Variants in EFEMP2 observed in about 807,000 individuals in gnomAD.
EFEMP2 encodes the protein EGF-like fibulin extracellular matrix protein 2.
In EFEMP2, 21 loss-of-function variants were observed where a neutral mutation model predicts 55.3. That is an observed-to-expected ratio of 0.38 (90% CI 0.27 to 0.55). EFEMP2 has a LOEUF of 0.55. EFEMP2 is among the 20% of genes least tolerant of loss of function. EFEMP2 has a pLI of 0.77. For missense variants in EFEMP2, 513 were observed against 615.1 expected (o/e 0.83, Z 1.76); for synonymous variants, 275 against 242.3 (o/e 1.14, Z -1.25).
chr11:65,866,467 G>GA lies in EFEMP2; in HGVS notation c.*450dup. The GA allele has an allele frequency of 1.4e-6, 1 of 701,584 alleles. No individual in the cohort carries two copies. Among genetic ancestry groups the GA allele is most frequent in the South Asian group, 1.5e-5 (1 of 67,256 alleles). 43.5% of individuals were successfully genotyped at this position (701,584 alleles called of 1,614,324 possible). On this transcript the variant is annotated 3_prime_UTR_variant, in exon 11 of 11. Coordinates refer to ENST00000307998, the MANE Select transcript of EFEMP2 (RefSeq NM_016938.5). Reference sequence around the variant, plus strand: ...AACAGTCCAGTTGCCTCGTTTTATAGAAAAACAGGCCCAGGGAACTACTAG... The same window carrying GA: ...AACAGTCCAGTTGCCTCGTTTTATAGAAAAAACAGGCCCAGGGAACTACTAG...
At chr11:65,871,890 A>T in intron 3 of EFEMP2, 80 bp downstream of exon 3, 1 of 1,515,160 alleles carries the variant, frequency 6.6e-7, no homozygotes, top group Non-Finnish European at 9.0e-7. Flanking sequence ...CAGTTCTTGG[A>T]GGTGGGGCTG....
At chr11:65,870,975 C>T in intron 4 of EFEMP2, 182 bp downstream of exon 4, 1 of 795,322 alleles carries the variant, frequency 1.3e-6, no homozygotes, top group Non-Finnish European at 2.1e-6. Context: ...GGGCCCGGAG[C>T]TGGCTGGAGC....
Position 65,867,994 on chromosome 11 carries a change from C to T in EFEMP2, c.1037G>A (p.Arg346His), listed in dbSNP as rs760786490. 55 of 1,614,044 alleles carry T rather than the reference C, an allele frequency of 3.4e-5. No individual in the cohort carries two copies. Among genetic ancestry groups the T allele is most frequent in the Non-Finnish European group, 4.2e-5 (49 of 1,180,018 alleles). ...CREQPSSIVH[R>H]YMTITSERSV... is the part of the protein sequence containing the mutation. ...CCGCTCCGAGGTGATGGTCATGTAGCGGTGCACAATGGATGAAGGCTGCTC... is the reference window on the plus strand; with the variant it reads ...CCGCTCCGAGGTGATGGTCATGTAGTGGTGCACAATGGATGAAGGCTGCTC... Residue 346 changes from arginine (R) to histidine (H), a missense_variant, in exon 10 of 11, where the codon CGC (arginine) becomes CAC (histidine). By Grantham distance (29) the Arg-to-His change is conservative (BLOSUM62 0). Transcript: ENST00000307998.
chr11:65,869,863 A>G lies in EFEMP2; in HGVS notation c.721T>C (p.Cys241Arg). 6.2e-7 allele frequency: 1 copy of G among 1,614,000 alleles called. No individual in the cohort carries two copies. Among genetic ancestry groups the G allele is most frequent in the Non-Finnish European group, 8.5e-7 (1 of 1,180,014 alleles). The part of the protein sequence containing the change: ...GYELHRDGFS[C>R]SDIDECSYSS... ...GCAGGGATGGAGCTCTCACCACTGC[A>G]GGAGAAGCCATCCCGATGCAGCTCA... Residue 241 changes from cysteine (C) to arginine (R), a missense_variant, in exon 7 of 11, where the codon TGC (cysteine) becomes CGC (arginine). By Grantham distance (180) the Cys-to-Arg change is radical. Transcript: ENST00000307998.
Position 65,870,736 on chromosome 11 carries a change from T to C in EFEMP2, c.368-78A>G. The C allele has an allele frequency of 3.1e-6, 5 of 1,605,598 alleles. 1 individual carries two copies. In the South Asian group the frequency reaches 4.4e-5, roughly 14 times the overall value. ...TGACAGATAGTTCCAACACTTGTAT[T>C]CGGTTCTCTCAACAGCACGCGTAAG... On this transcript the variant is annotated intron_variant, in intron 4 of 10. Transcript: ENST00000307998.
Position 65,866,544 on chromosome 11 carries a change from C to T in EFEMP2, c.*374G>A, listed in dbSNP as rs921849419. 4 of 702,752 alleles carry T rather than the reference C, an allele frequency of 5.7e-6. No individual in the cohort carries two copies. The highest frequency in any genetic ancestry group is 2.0e-5 in the Admixed American group (1 of 49,992). 43.5% of individuals were successfully genotyped at this position (702,752 alleles called of 1,614,324 possible). On this transcript the variant is annotated 3_prime_UTR_variant, in exon 11 of 11. Coordinates refer to ENST00000307998, the MANE Select transcript of EFEMP2 (RefSeq NM_016938.5). ...CAGAGTTAGGAATGGAACCCAGGGC[C>T]TCCTGGCGCTGTCCAGAGTGGAGTT...
chr11:65,867,195 G>T, intron 10 of EFEMP2, 116 bp from the exon 11 acceptor site: 1 of 1,283,416 alleles, frequency 7.8e-7, no homozygotes, highest in Non-Finnish European at 1.1e-6. Flanking sequence ...CCCTGGCCAG[G>T]CTGCCACCCC....
chr11:65,866,763 TG>T lies in EFEMP2; in HGVS notation c.*154del, dbSNP rs1859852916. On this transcript the variant is annotated 3_prime_UTR_variant, in exon 11 of 11. Coordinates refer to ENST00000307998, the MANE Select transcript of EFEMP2 (RefSeq NM_016938.5). ...GGTGAACTTGGCCTGCCCCCCCAAG[TG>T]CCACCCTGCCCCAGCCTGAGGCTTC... The T allele has an allele frequency of 2.0e-6, 2 of 992,384 alleles. No individual in the cohort carries two copies. Among genetic ancestry groups the T allele is most frequent in the African/African-American group, 1.6e-5 (1 of 62,354 alleles). 61.5% of individuals were successfully genotyped at this position (992,384 alleles called of 1,614,324 possible). A position where few individuals can be genotyped will look rare whatever the true frequency, so the allele number is the denominator to read the frequency against.
At chr11:65,872,408 C>G (rs2134753936) in intron 1 of EFEMP2, 47 bp from the exon 2 acceptor site, 1 of 1,354,220 alleles carries the variant, frequency 7.4e-7, no homozygotes, top group East Asian at 2.5e-5. Context: ...CGCGGCACCT[C>G]AACTCCCTGT....
chr11:65,871,917 TATCA>T (rs1859970939), intron 3 of EFEMP2, 49 bp downstream of exon 3: 1 of 1,548,744 alleles, frequency 6.5e-7, no homozygotes, highest in Admixed American at 2.0e-5. Flanking sequence ...GGAAAGCAGC[TATCA>T]ATCCCTTTCC....
rs762712612 is a variant in EFEMP2, at chr11:65,870,223, G to A, written c.505C>T (p.Arg169Cys). The part of the protein sequence containing the change: ...GPECVDIDEC[R>C]YRYCQHRCVN... ...CAGCGGTGCTGGCAGTAGCGGTAGC[G>A]GCACTCGTCTATGTCTAGGGATAGA... The change falls in exon 6 of 11, where the codon CGC (arginine) becomes TGC (cysteine). Residue 169 changes from arginine to cysteine, a missense_variant. Physicochemically the swap from Arg to Cys is radical, Grantham distance 180. Coordinates refer to ENST00000307998, the MANE Select transcript of EFEMP2 (RefSeq NM_016938.5). 5.0e-6 allele frequency: 8 copies of A among 1,613,328 alleles called. No individual in the cohort carries two copies. The highest frequency in any genetic ancestry group is 3.3e-5 in the South Asian group (3 of 91,062).
chr11:65,866,463 T>C lies in EFEMP2; in HGVS notation c.*455A>G. 1 of 701,394 alleles carries C rather than the reference T, an allele frequency of 1.4e-6. No homozygotes were observed. Among genetic ancestry groups the C allele is most frequent in the Non-Finnish European group, 2.6e-6 (1 of 384,486 alleles). The allele number at this position is 701,394 out of a possible 1,614,324, so 43.4% of individuals were successfully genotyped here. ...CACTAACAGTCCAGTTGCCTCGTTT[T>C]ATAGAAAAACAGGCCCAGGGAACTA... On this transcript the variant is annotated 3_prime_UTR_variant, in exon 11 of 11. Transcript: ENST00000307998.
chr11:65,868,578 T>C lies in EFEMP2; in HGVS notation c.779A>G (p.Asn260Ser), dbSNP rs1591066081. 6.2e-7 allele frequency: 1 copy of C among 1,613,846 alleles called. No individual in the cohort carries two copies. The highest frequency in any genetic ancestry group is 8.5e-7 in the Non-Finnish European group (1 of 1,180,040). Reference sequence around the variant, plus strand: ...GTGGCAGGAGAAACGGCCTGGCTCGTTGATGCAGCGGTACTGACAGAGGTA... The same window carrying C: ...GTGGCAGGAGAAACGGCCTGGCTCGCTGATGCAGCGGTACTGACAGAGGTA... ...SSYLCQYRCI[N>S]EPGRFSCHCP... The change falls in exon 8 of 11, where the codon AAC becomes AGC. Residue 260 changes from asparagine to serine, a missense_variant. Asn to Ser is a conservative substitution (Grantham distance 46, BLOSUM62 1). Transcript: ENST00000307998.
intron 1 of EFEMP2, 103 bp from the exon 2 acceptor site, chr11:65,872,464 T>G: frequency 2.5e-6 from 2 of 805,834 alleles, no homozygotes; most frequent in Non-Finnish European, 4.0e-6. Flanking sequence ...CTCAGGACCG[T>G]GCTTGGGCCT....
chr11:65,869,560 C>T (rs1167855795), intron 7 of EFEMP2: 1 of 446,230 alleles, frequency 2.2e-6, no homozygotes, highest in Non-Finnish European at 4.2e-6. Context: ...AGTGACTTGT[C>T]CTAGTGCAAA....
At chr11:65,871,085 G>T in intron 4 of EFEMP2, 72 bp downstream of exon 4, 3 of 1,550,894 alleles carry the variant, frequency 1.9e-6, no homozygotes, top group South Asian at 1.1e-5. Context: ...AGCTGGGGAG[G>T]AACATGAGGT....
rs888015688 is a variant in EFEMP2 at position 65,869,977 on chromosome 11, C to G, written c.608-1G>C. 6.2e-7 allele frequency: 1 copy of G among 1,613,800 alleles called. No homozygotes were observed. The highest frequency in any genetic ancestry group is 8.5e-7 in the Non-Finnish European group (1 of 1,179,928). ...GCCCCCATGTCACACTCGTTCACAT[C>G]TGGGGGTGCCAGGAAAAACAGGAGG... is the stretch of plus-strand genomic sequence containing the variant. On this transcript the variant is annotated splice_acceptor_variant, in intron 6 of 10. Transcript: ENST00000307998. LOFTEE classifies it high-confidence loss of function.
At position 65,867,911 on chromosome 11, in the gene EFEMP2, T is replaced by G; in HGVS notation, c.1120A>C (p.Asn374His). The G allele has an allele frequency of 6.2e-7, 1 of 1,614,096 alleles. No individual in the cohort carries two copies. The highest frequency in any genetic ancestry group is 8.5e-7 in the Non-Finnish European group (1 of 1,180,022). Residue 374 changes from asparagine to histidine, a missense_variant, in exon 10 of 11, where the codon AAT becomes CAT. By Grantham distance (68) the Asn-to-His change is moderately conservative. Transcript: ENST00000307998. The part of the protein sequence containing the change: ...QATSVYPGAY[N>H]AFQIRAGNSQ... ...TTTCCAGCACGGATCTGAAAGGCAT[T>G]GTAGGCACCGGGGTAGACGGAGGTC...
intron 2 of EFEMP2, 77 bp from the exon 3 acceptor site, chr11:65,872,095 C>G: frequency 6.5e-7 from 1 of 1,538,170 alleles, no homozygotes; most frequent in Non-Finnish European, 8.8e-7. Context: ...AGGGCCTGAG[C>G]CTGGCCACCC....
Sources: gnomAD v4.1 joint callset for allele counts on GRCh38, gnomAD v4.1.1 for gene constraint, MANE v1.5 for transcripts, NCBI Gene and HGNC (gene_info 2026-07-23, HGNC 2026-07-21) for gene names.